The following ZNF215 variants were observed in gnomAD, a reference collection of about 807,000 sequenced individuals.
ZNF215 encodes BWSCR2-associated zinc finger protein 2.
A neutral mutation model predicts 27.2 loss-of-function variants in ZNF215; 24 were observed. That is an observed-to-expected ratio of 0.88 (90% CI 0.64 to 1.24). The LOEUF is 1.24. ZNF215 is among the 50% of genes most tolerant of loss of function. The pLI is 0.00. For missense variants in ZNF215, 675 were observed against 605.7 expected, an observed-to-expected ratio of 1.11 and a Z score of -1.20; for synonymous variants, 210 against 204.0, an observed-to-expected ratio of 1.03 and a Z score of -0.25.
intron 5 of ZNF215, among the ~76,000 whole-genome samples, chr11:6,963,446 A>T (rs2248341): frequency 0.22 from 34,134 of 151,892 alleles, 3,981 homozygotes; most frequent in Non-Finnish European, 0.25. Flanking sequence ...TATATTCTAC[A>T]CTATATATGA....
In ZNF215 at chr11:6,956,623, G is replaced by C; in HGVS notation, c.*92G>C. 7.0e-7 allele frequency: 1 copy of C among 1,435,120 alleles called. No homozygotes were observed. The highest frequency in any genetic ancestry group is 9.1e-7 in the Non-Finnish European group (1 of 1,100,358). The allele number at this position is 1,435,120 out of a possible 1,614,324, so 88.9% of individuals were successfully genotyped here. ...CTGGATAAAATCTCATGAATATAAT[G>C]TAAGAAAACATTTGTCAGATTTTTC... On this transcript the variant is annotated 3_prime_UTR_variant, in exon 7 of 7. Transcript: ENST00000278319.
rs189324854 is a variant in ZNF215 at position 6,967,773 on chromosome 11, C to T, written c.805+11991C>T. 3.5e-3 allele frequency among the ~76,000 whole-genome samples: 539 copies of T among 152,240 alleles called. 3 individuals carry two copies. Among genetic ancestry groups the T allele is most frequent in the South Asian group, 0.018 (89 of 4,814 alleles). ...TCTGATGATAGTTTCTTTTGCTGTG[C>T]AGAAGCTCTTTAGTTTAATTAGATC... On this transcript the variant is annotated intron_variant, in intron 5 of 5. Coordinates refer to the ZNF215 transcript ENST00000529903.
rs760229292 is a variant in ZNF215, at chr11:6,957,142, A to G, written c.*611A>G. ...ATGGGAGAAGTATGTATTGCTGTTA[A>G]TCTATATGTATTCTTAAAATCTGCA... On this transcript the variant is annotated 3_prime_UTR_variant, in exon 7 of 7. Transcript: ENST00000278319. 24 of 985,344 alleles carry G rather than the reference A, an allele frequency of 2.4e-5. No individual in the cohort carries two copies. The highest frequency in any genetic ancestry group is 2.5e-5 in the Non-Finnish European group (21 of 829,962). 61.0% of individuals were successfully genotyped at this position (985,344 alleles called of 1,614,324 possible). A position where few individuals can be genotyped will look rare whatever the true frequency, so the allele number is the denominator to read the frequency against.
intron 3 of ZNF215, among the ~76,000 whole-genome samples, chr11:6,940,861 T>G (rs901122778): frequency 6.6e-6 from 1 of 152,106 alleles, no homozygotes; most frequent in Non-Finnish European, 1.5e-5. Context: ...AGAAAGTCCC[T>G]TATATTGAAT....
rs564929540 is a variant in ZNF215 at position 6,973,915 on chromosome 11, A to C, written c.806-10214A>C. Among the ~76,000 whole-genome samples the C allele has an allele frequency of 2.0e-5, 3 of 152,162 alleles. No individual in the cohort carries two copies. In the South Asian group the frequency reaches 6.2e-4, roughly 32 times the overall value. ...TAGTTTAAATTAGATCCCATTTGTCAATTTTGGCTTTTGTTGCTATTGCTT... is the reference window on the plus strand; with the variant it reads ...TAGTTTAAATTAGATCCCATTTGTCCATTTTGGCTTTTGTTGCTATTGCTT... On this transcript the variant is annotated intron_variant, in intron 5 of 5. Coordinates refer to the ZNF215 transcript ENST00000529903.
chr11:6,968,409 A>G (rs1850665670), intron 5 of ZNF215, among the ~76,000 whole-genome samples: 1 of 152,090 alleles, frequency 6.6e-6, no homozygotes, highest in South Asian at 2.1e-4. Context: ...GGTTCTTCCT[A>G]TCCATGAACT....
chr11:6,951,900 T>C (rs926864576), intron 6 of ZNF215, among the ~76,000 whole-genome samples: 34 of 152,206 alleles, frequency 2.2e-4, no homozygotes, highest in Non-Finnish European at 4.4e-4. Flanking sequence ...TACACACTGC[T>C]TTGAATGTGT....
chr11:6,937,486 C>CTTTTTTT (rs57676890), intron 3 of ZNF215, among the ~76,000 whole-genome samples: 2 of 118,918 alleles, frequency 1.7e-5, no homozygotes, highest in African/African-American at 6.7e-5. Context: ...ATCTCAGCTG[C>CTTTTTTT]TTTTTTTTTT....
At chr11:6,987,865 GA>G (rs762876768), downstream of ZNF215, among the ~76,000 whole-genome samples, 20 of 152,182 alleles carry the variant, frequency 1.3e-4, no homozygotes, top group Non-Finnish European at 2.2e-4. Flanking sequence ...TTTCAGCATG[GA>G]GGGAGGAAGG....
At chr11:6,936,333 A>G (rs960483411) in intron 3 of ZNF215, among the ~76,000 whole-genome samples, 3 of 152,084 alleles carry the variant, frequency 2.0e-5, no homozygotes, top group African/African-American at 7.2e-5. Flanking sequence ...GCATAAAATG[A>G]AAGGGCTCAT....
chr11:6,936,819 G>A (rs1354058188), intron 3 of ZNF215, among the ~76,000 whole-genome samples: 1 of 151,602 alleles, frequency 6.6e-6, no homozygotes, highest in African/African-American at 2.4e-5. Context: ...ACAGTGAAAG[G>A]GGAAAAATTA....
At chr11:6,971,740 T>G (rs559286943) in intron 5 of ZNF215, among the ~76,000 whole-genome samples, 145 of 152,232 alleles carry the variant, frequency 9.5e-4, no homozygotes, top group Middle Eastern at 6.8e-3. Flanking sequence ...ATACTATAAG[T>G]TCACACATTC....
intron 5 of ZNF215, among the ~76,000 whole-genome samples, chr11:6,975,880 G>A (rs1056442653): frequency 6.6e-6 from 1 of 152,060 alleles, no homozygotes; most frequent in Non-Finnish European, 1.5e-5. Context: ...TAGGATTGCT[G>A]GATCAGATGA....
downstream of ZNF215, among the ~76,000 whole-genome samples, chr11:6,993,475 C>G (rs1851141059): frequency 1.3e-5 from 2 of 152,190 alleles, no homozygotes; most frequent in Non-Finnish European, 1.5e-5. Flanking sequence ...TAGGTACTTC[C>G]TTCTGCTTTT....
chr11:6,939,727 G>A (rs1849570633), intron 3 of ZNF215, among the ~76,000 whole-genome samples: 1 of 152,150 alleles, frequency 6.6e-6, no homozygotes, highest in Admixed American at 6.5e-5. Context: ...TCAAGAAGGG[G>A]AGGTCAGCAG....
chr11:6,931,678 G>A (rs1362896878), intron 2 of ZNF215, among the ~76,000 whole-genome samples: 1 of 152,082 alleles, frequency 6.6e-6, no homozygotes, highest in African/African-American at 2.4e-5. Context: ...GCTATTGTCA[G>A]TTTTACTCAT....
intron 2 of ZNF215, among the ~76,000 whole-genome samples, chr11:6,930,024 A>T (rs549035858): frequency 4.6e-5 from 7 of 151,712 alleles, no homozygotes; most frequent in African/African-American, 1.5e-4. Flanking sequence ...ATATTGTTCC[A>T]GATTTGGCCA....
At chr11:6,963,016 T>C (rs536066216), downstream of ZNF215, among the ~76,000 whole-genome samples, 1 of 152,210 alleles carries the variant, frequency 6.6e-6, no homozygotes, top group Admixed American at 6.6e-5. Context: ...TCAGAAACTA[T>C]CAATTCTCAA....
chr11:6,941,135 C>A (rs187331960), intron 3 of ZNF215, among the ~76,000 whole-genome samples: 9 of 152,144 alleles, frequency 5.9e-5, no homozygotes, highest in Non-Finnish European at 1.0e-4. Flanking sequence ...GAGCAACTTA[C>A]AGGAAAACAA....
Sources: allele counts gnomAD v4.1 joint callset (sites outside exome capture counted in the v4.1 genomes callset), GRCh38; gene constraint gnomAD v4.1.1; transcripts MANE v1.5; gene names NCBI Gene and HGNC (gene_info 2026-07-23, HGNC 2026-07-21).